The following NKD2 variants were observed in gnomAD, a reference collection of about 807,000 sequenced individuals.
NKD2 encodes protein naked cuticle homolog 2.
In NKD2, 43 loss-of-function variants were observed where a neutral mutation model predicts 34.8. That is an observed-to-expected ratio of 1.24 (90% CI 0.97 to 1.60). The LOEUF (loss-of-function observed/expected upper bound fraction) is 1.60. NKD2 is among the 40% of genes most tolerant of loss of function. The probability of loss-of-function intolerance (pLI) is 0.00; values close to 1 mark genes in which losing one functional copy is unlikely to be tolerated. For synonymous variants in NKD2, 278 were observed against 265.1 expected (o/e 1.05, Z -0.47); for missense variants, 675 against 627.1 (o/e 1.08, Z -0.82).
rs1756519266 is a variant in NKD2 at position 1,028,630 on chromosome 5, A to T, written c.142-3522A>T. 2.6e-5 allele frequency among the ~76,000 whole-genome samples: 4 copies of T among 152,048 alleles called. No individual in the cohort carries two copies. The South Asian group carries it at 8.3e-4, about 32-fold the overall frequency. On this transcript the variant is annotated intron_variant, in intron 3 of 9. Coordinates refer to ENST00000296849, the MANE Select transcript of NKD2 (RefSeq NM_033120.4). ...CAGGCCAGCCGTGGGGTCCCTGCTG[A>T]CCTGGAGGGTTCTCAGGGATGCAGA...
At chr5:1,028,161 GA>G (rs1397417468) in intron 3 of NKD2, among the ~76,000 whole-genome samples, 1 of 152,142 alleles carries the variant, frequency 6.6e-6, no homozygotes, top group Non-Finnish European at 1.5e-5. Flanking sequence ...CTGGGAGGAC[GA>G]AGCGCTCAGC....
At position 1,009,447 on chromosome 5, in the gene NKD2, G is replaced by T; in HGVS notation, c.62-34G>T. ...CGGCGCGTCTCTTTCCCTCCTCGGT[G>T]CGGGTTTCCCGCGCGTCCGCCCCCG... On this transcript the variant is annotated intron_variant, in intron 2 of 9. Transcript: ENST00000296849. This position sits in a 1 kb window ranked among gnomAD's most constrained non-coding sequence, Gnocchi z 6.9. 1 of 1,483,486 alleles carries T rather than the reference G, an allele frequency of 6.7e-7. No individual in the cohort carries two copies. The highest frequency in any genetic ancestry group is 8.9e-7 in the Non-Finnish European group (1 of 1,120,542). 91.9% of individuals were successfully genotyped at this position (1,483,486 alleles called of 1,614,324 possible).
chr5:1,036,001 C>A, intron 8 of NKD2: 1 of 685,946 alleles, frequency 1.5e-6, no homozygotes. Flanking sequence ...ACAGCATGAG[C>A]CACTCCCTAG....
chr5:1,022,703 C>T (rs1306618225), intron 3 of NKD2, among the ~76,000 whole-genome samples: 2 of 8,934 alleles, frequency 2.2e-4, no homozygotes, highest in Admixed American at 3.0e-3. Flanking sequence ...TCTTCCCACC[C>T]GCTAGTGGGT....
At chr5:1,037,422 C>T in intron 9 of NKD2, 1 of 1,130,582 alleles carries the variant, frequency 8.8e-7, no homozygotes, top group South Asian at 1.5e-5. Context: ...GTCCTGAGTC[C>T]TTCTCAAATC....
chr5:1,016,192 C>T (rs1384462918), intron 3 of NKD2, among the ~76,000 whole-genome samples: 1 of 152,264 alleles, frequency 6.6e-6, no homozygotes, highest in African/African-American at 2.4e-5. Flanking sequence ...CGCCTCTGGA[C>T]TGCGAAGCCT....
chr5:1,010,348 C>T (rs2150722716), intron 3 of NKD2, among the ~76,000 whole-genome samples: 1 of 152,296 alleles, frequency 6.6e-6, no homozygotes, highest in Non-Finnish European at 1.5e-5. Context: ...CCCACACTTG[C>T]CCCTTGCTTC....
rs181932723 is a variant in NKD2 at position 1,014,057 on chromosome 5, A to C, written c.141+4497A>C. Among the ~76,000 whole-genome samples the C allele has an allele frequency of 1.3e-3, 194 of 152,250 alleles. 1 individual carries two copies. The highest frequency in any genetic ancestry group is 2.3e-3 in the Non-Finnish European group (155 of 68,018). Reference sequence around the variant, plus strand: ...CAGCTTCCTGAAGCTAAAACTGCCCATTTTGCTGCTGAATGAGCTGAAGTT... The same window carrying C: ...CAGCTTCCTGAAGCTAAAACTGCCCCTTTTGCTGCTGAATGAGCTGAAGTT... On this transcript the variant is annotated intron_variant, in intron 3 of 9. Transcript: ENST00000296849.
chr5:1,018,565 C>T (rs1489321352), intron 3 of NKD2, among the ~76,000 whole-genome samples: 4 of 149,978 alleles, frequency 2.7e-5, no homozygotes, highest in East Asian at 2.0e-4. Context: ...ACAGTCAGGG[C>T]GACTCAGGGG....
intron 6 of NKD2, 68 bp downstream of exon 6, chr5:1,034,398 C>A: frequency 7.8e-7 from 1 of 1,283,938 alleles, no homozygotes; most frequent in Non-Finnish European, 1.1e-6. Context: ...CTGTGCTGGC[C>A]TCGCGATACC....
intron 3 of NKD2, among the ~76,000 whole-genome samples, chr5:1,029,871 C>T (rs1202203603): frequency 6.6e-6 from 1 of 152,168 alleles, no homozygotes; most frequent in Admixed American, 6.5e-5. Flanking sequence ...GCAAGGAGTG[C>T]TGTACGCGCT....
At chr5:1,035,012 G>A (rs1733786879) in intron 7 of NKD2, 109 bp downstream of exon 7, 1 of 1,031,474 alleles carries the variant, frequency 9.7e-7, no homozygotes, top group Non-Finnish European at 1.4e-6. Flanking sequence ...GAGTGAGTGG[G>A]TGAATGGATG....
rs1304382271 is a variant in NKD2, at chr5:1,016,563, T to C, written c.141+7003T>C. Among the ~76,000 whole-genome samples, 3 of 152,246 alleles carry C rather than the reference T, an allele frequency of 2.0e-5. No individual in the cohort carries two copies. The East Asian group carries it at 5.8e-4, about 29-fold the overall frequency. Reference sequence around the variant, plus strand: ...ACATTCAAATTGGAGATTATTTTAATGGTAAGTGTCTTGGCGGATTTAGAC... The same window carrying C: ...ACATTCAAATTGGAGATTATTTTAACGGTAAGTGTCTTGGCGGATTTAGAC... On this transcript the variant is annotated intron_variant, in intron 3 of 9. Transcript: ENST00000296849.
In NKD2 at chr5:1,033,454, C is replaced by T. The variant is rs1044284447; in HGVS notation, c.285C>T (p.Asn95=). 2.6e-6 allele frequency: 4 copies of T among 1,557,668 alleles called. No homozygotes were observed. In the African/African-American group the frequency reaches 5.5e-5, roughly 21 times the overall value. ...LSADDGERAA[N]REGPRGPGGQ... ...CAGATGACGGAGAGAGGGCAGCAAA[C>T]CGCGAGGGCCCGCGAGGACCGGGCG... The change falls in exon 5 of 10, where the codon AAC becomes AAT. Residue 95 remains asparagine (N), a synonymous_variant. Coordinates refer to ENST00000296849, the MANE Select transcript of NKD2 (RefSeq NM_033120.4).
chr5:1,013,620 A>G (rs1755840993), intron 3 of NKD2, among the ~76,000 whole-genome samples: 1 of 152,082 alleles, frequency 6.6e-6, no homozygotes, highest in African/African-American at 2.4e-5. Context: ...GGGCCCACTG[A>G]GGGCTGTGTG....
chr5:1,027,714 C>T (rs931508023), intron 3 of NKD2, among the ~76,000 whole-genome samples: 3 of 152,240 alleles, frequency 2.0e-5, no homozygotes, highest in African/African-American at 7.2e-5. Context: ...TCCCACCGGG[C>T]GTTCCACCAG....
rs991111346 is a variant in NKD2, at chr5:1,030,022, G to GC, written c.142-2130_142-2129insC. ...TGAGGGGGGATTGTGGTGCGGGGGG[G>GC]GGGGTACTGAGAACCCTGGGGGCTT... On this transcript the variant is annotated intron_variant, in intron 3 of 9. Transcript: ENST00000296849. 2.0e-5 allele frequency among the ~76,000 whole-genome samples: 3 copies of GC among 147,806 alleles called. 1 individual carries two copies. The highest frequency in any genetic ancestry group is 7.6e-5 in the African/African-American group (3 of 39,352).
rs1470975477 is a variant in NKD2 at position 1,037,541 on chromosome 5, G to A, written c.788-264G>A. 3.3e-6 allele frequency: 5 copies of A among 1,535,904 alleles called. No individual in the cohort carries two copies. The Middle Eastern group carries it at 5.0e-4, about 154-fold the overall frequency. ...GCAGGGTCTCAGCTGTGCGAGAAGA[G>A]AAGCTCCGCTCCCAGGACACACAGT... On this transcript the variant is annotated intron_variant, in intron 9 of 9. Transcript: ENST00000296849.
intron 3 of NKD2, among the ~76,000 whole-genome samples, chr5:1,031,002 A>G (rs529804717): frequency 1.9e-3 from 286 of 152,166 alleles, no homozygotes; most frequent in Non-Finnish European, 3.2e-3. Flanking sequence ...TCCCCACCCA[A>G]GTTCTGGGGT....
Sources: gnomAD v4.1 joint callset for allele counts (sites outside exome capture counted in the v4.1 genomes callset) on GRCh38, gnomAD v4.1.1 for gene constraint, Gnocchi (gnomAD v3.1) non-coding constraint, MANE v1.5 for transcripts, NCBI Gene and HGNC (gene_info 2026-07-23, HGNC 2026-07-21) for gene names.